RIMS2: variants seen among roughly 807,000 people sequenced by gnomAD.
RIMS2 encodes the protein regulating synaptic membrane exocytosis protein 2.
In RIMS2, 59 loss-of-function variants were observed where a neutral mutation model predicts 174.4. That is an observed-to-expected ratio of 0.34 (90% CI 0.27 to 0.42). The LOEUF (loss-of-function observed/expected upper bound fraction) is 0.42. Among genes scored for constraint, RIMS2 ranks in the 10% least tolerant of loss-of-function variants. The pLI, the probability that RIMS2 is intolerant of heterozygous loss-of-function variation, is 1.00. For synonymous variants in RIMS2, 606 were observed against 572.5 expected (o/e 1.06, Z -0.84); for missense variants, 1,620 against 1,666.3 (o/e 0.97, Z 0.48).
chr8:103,820,578 A>G (rs894330338), intron 3 of RIMS2, among the ~76,000 whole-genome samples: 1 of 151,932 alleles, frequency 6.6e-6, no homozygotes, highest in African/African-American at 2.4e-5. Flanking sequence ...CGGTTATACA[A>G]TATGTATTTT....
At chr8:104,151,473 G>T (rs1370835480) in intron 19 of RIMS2, among the ~76,000 whole-genome samples, 2 of 152,088 alleles carry the variant, frequency 1.3e-5, no homozygotes, top group Non-Finnish European at 2.9e-5. Context: ...GGAGGCTGAG[G>T]CATGAGAATT....
intron 2 of RIMS2, among the ~76,000 whole-genome samples, chr8:103,734,891 C>G (rs1444499885): frequency 6.6e-6 from 1 of 151,138 alleles, no homozygotes; most frequent in Non-Finnish European, 1.5e-5. Context: ...GGGTTCTTCT[C>G]TCAGTTTTCT....
intron 1 of RIMS2, among the ~76,000 whole-genome samples, chr8:103,671,712 G>A (rs978019613): frequency 3.3e-5 from 5 of 152,116 alleles, no homozygotes; most frequent in African/African-American, 1.2e-4. Context: ...AGAAAATTTG[G>A]TTGTTTCTGT....
chr8:104,248,434 A>G (rs574763097), intron 20 of RIMS2, among the ~76,000 whole-genome samples: 1 of 152,326 alleles, frequency 6.6e-6, no homozygotes, highest in South Asian at 2.1e-4. Context: ...TAGAAATCAC[A>G]GTCTGCCTTT....
At chr8:103,923,752 T>C (rs1459583167) in intron 10 of RIMS2, among the ~76,000 whole-genome samples, 1 of 151,746 alleles carries the variant, frequency 6.6e-6, no homozygotes, top group Non-Finnish European at 1.5e-5. Flanking sequence ...CACCCACATA[T>C]ATAAAAAATA....
intron 19 of RIMS2, among the ~76,000 whole-genome samples, chr8:104,037,860 G>C (rs2096546086): frequency 6.6e-6 from 1 of 152,158 alleles, no homozygotes; most frequent in African/African-American, 2.4e-5. Context: ...TTCAGTCAAG[G>C]ATGGATGCAT....
At chr8:104,156,302 GT>G (rs112657453) in intron 19 of RIMS2, among the ~76,000 whole-genome samples, 42,106 of 152,022 alleles carry the variant, frequency 0.28, 6,068 homozygotes, top group Non-Finnish European at 0.32. Context: ...TACCTGGGAA[GT>G]TTTTACGGAC....
In RIMS2 at chr8:103,738,603, G is replaced by A. The variant is rs574749832; in HGVS notation, c.388-27624G>A. 3.9e-5 allele frequency among the ~76,000 whole-genome samples: 6 copies of A among 152,202 alleles called. No individual in the cohort carries two copies. The East Asian group carries it at 1.2e-3, about 29-fold the overall frequency. On this transcript the variant is annotated intron_variant, in intron 2 of 23. Coordinates refer to ENST00000504942, the Ensembl canonical transcript of RIMS2. The stretch of plus-strand genomic sequence containing the variant: ...CATCAGGGTGAACAGGCAACCTACA[G>A]AATGGGAGAAAATTTTTGCAATCTA...
intron 9 of RIMS2, 120 bp downstream of exon 12, chr8:103,918,607 A>G (rs764734958): frequency 1.4e-6 from 1 of 721,956 alleles, no homozygotes; most frequent in Non-Finnish European, 2.4e-6. Context: ...TCAAGTCTGT[A>G]AGCATATAAA....
At chr8:103,727,071 A>G (rs1244595600) in intron 2 of RIMS2, among the ~76,000 whole-genome samples, 1 of 151,836 alleles carries the variant, frequency 6.6e-6, no homozygotes. Flanking sequence ...TTAAAATTAT[A>G]AATAAAATAT....
intron 1 of RIMS2, among the ~76,000 whole-genome samples, chr8:103,589,129 C>T (rs1035338424): frequency 6.6e-6 from 1 of 151,564 alleles, no homozygotes; most frequent in African/African-American, 2.4e-5. Flanking sequence ...GTTTGCATAT[C>T]ACATAATCTT....
intron 3 of RIMS2, among the ~76,000 whole-genome samples, chr8:103,877,235 G>A (rs2154515854): frequency 6.6e-6 from 1 of 151,620 alleles, no homozygotes; most frequent in East Asian, 1.9e-4. Context: ...TTTGATTATG[G>A]CCATTCTTGC....
intron 19 of RIMS2, among the ~76,000 whole-genome samples, chr8:104,216,099 G>T (rs2099128543): frequency 6.6e-6 from 1 of 152,192 alleles, no homozygotes; most frequent in Non-Finnish European, 1.5e-5. Flanking sequence ...TCTGGAGGCT[G>T]AGTTGTTCAT....
intron 19 of RIMS2, among the ~76,000 whole-genome samples, chr8:104,212,942 C>T (rs1266100125): frequency 6.6e-6 from 1 of 152,162 alleles, no homozygotes; most frequent in Non-Finnish European, 1.5e-5. Flanking sequence ...GTCCCCTCTA[C>T]CTGTAAGATC....
At chr8:104,108,069 T>TTTGG (rs926738305) in intron 19 of RIMS2, among the ~76,000 whole-genome samples, 2 of 149,376 alleles carry the variant, frequency 1.3e-5, no homozygotes, top group African/African-American at 2.5e-5. Context: ...TTAGGAACAA[T>TTTGG]TTGGTTGGTT....
chr8:103,629,930 G>C (rs2095871371), intron 1 of RIMS2, among the ~76,000 whole-genome samples: 1 of 151,938 alleles, frequency 6.6e-6, no homozygotes, highest in African/African-American at 2.4e-5. Flanking sequence ...GGGAGAGGGG[G>C]AGTAAAATAC....
At chr8:103,753,817 G>T (rs142215642) in intron 2 of RIMS2, among the ~76,000 whole-genome samples, 54,955 of 151,814 alleles carry the variant, frequency 0.36, 10,629 homozygotes, top group East Asian at 0.77. Flanking sequence ...ATTCTTCTCT[G>T]TTTTCTTCTT....
intron 3 of RIMS2, among the ~76,000 whole-genome samples, chr8:103,805,863 G>T (rs2098646672): frequency 6.6e-6 from 1 of 151,914 alleles, no homozygotes; most frequent in Admixed American, 6.6e-5. Context: ...GACTTAATCA[G>T]TTGTGATAAA....
chr8:103,733,470 A>G (rs1159194514), intron 2 of RIMS2, among the ~76,000 whole-genome samples: 1 of 152,162 alleles, frequency 6.6e-6, no homozygotes, highest in Non-Finnish European at 1.5e-5. Context: ...CTTCAAGCCC[A>G]GCATAGCACC....
Sources: gnomAD v4.1 joint callset for allele counts (sites outside exome capture counted in the v4.1 genomes callset) on GRCh38, gnomAD v4.1.1 for gene constraint, MANE v1.5 for transcripts, NCBI Gene and HGNC (gene_info 2026-07-23, HGNC 2026-07-21) for gene names.